DAP: variants seen among roughly 807,000 people sequenced by gnomAD.
DAP encodes death-associated protein 1.
Under a neutral mutation model 13.8 loss-of-function variants are expected in DAP, and 8 were observed. The observed-to-expected ratio is 0.58, with a 90% CI of 0.34 to 1.05. The LOEUF (loss-of-function observed/expected upper bound fraction) is 1.05, where lower values mean the gene tolerates loss of function less well. Among genes scored for constraint, DAP ranks in the 50% least tolerant of loss-of-function variants. The pLI is 0.03. For synonymous variants in DAP, 47 were observed against 47.5 expected (o/e 0.99, Z 0.04); for missense variants, 106 against 133.2 (o/e 0.80, Z 1.01).
At chr5:10,700,870 C>T (rs1000359432) in intron 2 of DAP, among the ~76,000 whole-genome samples, 5 of 152,250 alleles carry the variant, frequency 3.3e-5, no homozygotes, top group African/African-American at 9.6e-5. Context: ...TACTGTTTTA[C>T]ATTCTGTTAT....
chr5:10,737,202 G>A (rs1739632787), intron 2 of DAP, among the ~76,000 whole-genome samples: 2 of 152,046 alleles, frequency 1.3e-5, no homozygotes, highest in African/African-American at 4.8e-5. Flanking sequence ...ATAATTAGCT[G>A]GGCATGGTGG....
chr5:10,683,633 G>A (rs1738087452), intron 2 of DAP, 62 bp from the exon 3 acceptor site: 3 of 1,529,772 alleles, frequency 2.0e-6, no homozygotes, highest in Non-Finnish European at 2.7e-6. Context: ...GAACACGGTG[G>A]CAGACGATGT....
chr5:10,759,744 C>CTT (rs1169454640), intron 1 of DAP, among the ~76,000 whole-genome samples: 37,028 of 87,996 alleles, frequency 0.42, 8,763 homozygotes, highest in Non-Finnish European at 0.52. Flanking sequence ...TAATGGGAAT[C>CTT]TTTTTTTTTT....
intron 1 of DAP, among the ~76,000 whole-genome samples, chr5:10,760,339 G>A (rs1280681648): frequency 6.6e-6 from 1 of 152,162 alleles, no homozygotes; most frequent in Non-Finnish European, 1.5e-5. Context: ...CAGGAACTGT[G>A]CCCAGAGAGA....
At chr5:10,758,659 T>C (rs1228770670) in intron 1 of DAP, among the ~76,000 whole-genome samples, 2 of 152,162 alleles carry the variant, frequency 1.3e-5, no homozygotes, top group Non-Finnish European at 2.9e-5. Flanking sequence ...CCCTGTGACT[T>C]GCCCCGAGGC....
chr5:10,746,306 G>GA (rs1356346830), intron 2 of DAP, among the ~76,000 whole-genome samples: 2 of 150,100 alleles, frequency 1.3e-5, no homozygotes, highest in Non-Finnish European at 3.0e-5. Context: ...CAGTAAGTGA[G>GA]AAAAATAATT....
intron 2 of DAP, among the ~76,000 whole-genome samples, chr5:10,732,261 A>G (rs1341719252): frequency 6.6e-6 from 1 of 152,172 alleles, no homozygotes; most frequent in African/African-American, 2.4e-5. Flanking sequence ...TACATTCACT[A>G]TGTTATGCAA....
intron 2 of DAP, among the ~76,000 whole-genome samples, chr5:10,694,591 CAGA>C (rs1380040559): frequency 3.3e-5 from 5 of 152,176 alleles, no homozygotes; most frequent in South Asian, 2.1e-4. Flanking sequence ...TCTGTCAGTG[CAGA>C]AGAAGAGGCC....
At chr5:10,739,526 A>C (rs1012056873) in intron 2 of DAP, among the ~76,000 whole-genome samples, 10 of 152,134 alleles carry the variant, frequency 6.6e-5, no homozygotes, top group African/African-American at 2.4e-4. Flanking sequence ...CCCAGGACCA[A>C]GAAGAGGTCC....
chr5:10,717,429 G>T, intron 2 of DAP, among the ~76,000 whole-genome samples: 1 of 152,164 alleles, frequency 6.6e-6, no homozygotes, highest in East Asian at 1.9e-4. Flanking sequence ...GGGGACATTT[G>T]GGAGGACCCT....
At chr5:10,715,919 C>G (rs1201897470) in intron 2 of DAP, among the ~76,000 whole-genome samples, 2 of 152,242 alleles carry the variant, frequency 1.3e-5, no homozygotes, top group Non-Finnish European at 2.9e-5. Flanking sequence ...CAGGAAACCT[C>G]TCGATAATAC....
chr5:10,694,058 T>A (rs1393467996), intron 2 of DAP, among the ~76,000 whole-genome samples: 1 of 151,158 alleles, frequency 6.6e-6, no homozygotes, highest in Admixed American at 6.6e-5. Context: ...AGGGCTGTGC[T>A]CTTCAGTCGG....
chr5:10,721,483 A>G (rs1739139381), intron 2 of DAP, among the ~76,000 whole-genome samples: 1 of 152,200 alleles, frequency 6.6e-6, no homozygotes, highest in African/African-American at 2.4e-5. Flanking sequence ...GGGGTGATTG[A>G]CCCAGACTCT....
intron 2 of DAP, among the ~76,000 whole-genome samples, chr5:10,731,659 C>G (rs1445608863): frequency 6.6e-6 from 1 of 152,240 alleles, no homozygotes; most frequent in Non-Finnish European, 1.5e-5. Context: ...CCACTGTAAA[C>G]CACATATCTA....
At chr5:10,693,158 G>A (rs766073194) in intron 2 of DAP, among the ~76,000 whole-genome samples, 8 of 89,464 alleles carry the variant, frequency 8.9e-5, no homozygotes, top group Admixed American at 2.1e-4. Flanking sequence ...ACACACGTGC[G>A]TAGTAGTAGT....
At chr5:10,751,819 G>A (rs1416871038) in intron 1 of DAP, among the ~76,000 whole-genome samples, 1 of 152,206 alleles carries the variant, frequency 6.6e-6, no homozygotes, top group African/African-American at 2.4e-5. Flanking sequence ...CAGGAGAGAG[G>A]TCTCAGGAGA....
chr5:10,701,313 T>C (rs1561012488), intron 2 of DAP, among the ~76,000 whole-genome samples: 1 of 152,224 alleles, frequency 6.6e-6, no homozygotes, highest in Non-Finnish European at 1.5e-5. Flanking sequence ...AGAAGTCAGC[T>C]GTATCATGGA....
intron 2 of DAP, among the ~76,000 whole-genome samples, chr5:10,708,429 T>TACACGCACCCAGGC (rs1255936527): frequency 2.3e-5 from 3 of 132,764 alleles, no homozygotes; most frequent in African/African-American, 7.9e-5. Flanking sequence ...GGCATACACA[T>TACACGCACCCAGGC]ATACACATAT....
At chr5:10,734,020 T>C (rs1486028863) in intron 2 of DAP, 1 of 152,136 alleles carries the variant, frequency 6.6e-6, no homozygotes, top group Non-Finnish European at 1.5e-5. Context: ...CACTGGAGAG[T>C]TGATTTAAAT....
Sources: gnomAD v4.1 joint callset for allele counts (sites outside exome capture counted in the v4.1 genomes callset) on GRCh38, gnomAD v4.1.1 for gene constraint, MANE v1.5 for transcripts, NCBI Gene and HGNC (gene_info 2026-07-23, HGNC 2026-07-21) for gene names.